Variants in MGAM observed in about 807,000 individuals in gnomAD.
MGAM encodes the protein alpha-1,4-glucosidase.
Under a neutral mutation model 358.8 loss-of-function variants are expected in MGAM, and 253 were observed. The ratio of observed to expected loss-of-function variants is 0.71; its 90% CI spans 0.64 to 0.78. The LOEUF (loss-of-function observed/expected upper bound fraction) is 0.78. MGAM is among the 30% of genes least tolerant of loss of function. MGAM has a pLI of 0.00. For missense variants in MGAM, 3,080 were observed against 3,432.6 expected (o/e 0.90, Z 2.57); for synonymous variants, 1,105 against 1,227.1 (o/e 0.90, Z 2.08).
intron 3 of MGAM, among the ~76,000 whole-genome samples, chr7:142,011,567 C>A (rs1554454372): frequency 1.3e-5 from 2 of 152,164 alleles, no homozygotes; most frequent in Admixed American, 1.3e-4. Context: ...TTGAGTTACT[C>A]AGTCCTGGCT....
In MGAM at chr7:142,040,113, A is replaced by G; in HGVS notation, c.2317-2A>G. ...GGGGACACTACATTTTTTTAATTTC[A>G]GGGTGCAGAGAAAGTGATGGCATAT... On this transcript the variant is annotated splice_acceptor_variant, in intron 19 of 70. Coordinates refer to ENST00000475668, the MANE Select transcript of MGAM (RefSeq NM_001365693.1). LOFTEE classifies it high-confidence loss of function. 3 of 1,609,350 alleles carry G rather than the reference A, an allele frequency of 1.9e-6. No homozygotes were observed. The South Asian group carries it at 3.3e-5, about 18-fold the overall frequency.
intron 29 of MGAM, 30 bp downstream of exon 29, chr7:142,056,126 G>T (rs1483424128): frequency 6.4e-7 from 1 of 1,564,434 alleles, no homozygotes; most frequent in Admixed American, 1.9e-5. Flanking sequence ...CCTTATTTTG[G>T]GGGGATACCA....
At chr7:142,105,211 A>G (rs1419710852) in intron 70 of MGAM, among the ~76,000 whole-genome samples, 1 of 152,148 alleles carries the variant, frequency 6.6e-6, no homozygotes, top group African/African-American at 2.4e-5. Context: ...TGCCAAGGAA[A>G]ATCAACACCT....
chr7:142,086,911 A>C (rs113785318), intron 57 of MGAM, among the ~76,000 whole-genome samples, 194 bp downstream of exon 57: 2,734 of 99,048 alleles, frequency 0.028, 897 homozygotes, highest in South Asian at 0.17. Context: ...TGGGATGTAG[A>C]CATGTATTAT....
intron 1 of MGAM, among the ~76,000 whole-genome samples, chr7:142,003,969 G>T (rs1410949901): frequency 6.6e-6 from 1 of 151,990 alleles, no homozygotes; most frequent in African/African-American, 2.4e-5. Context: ...TCAGAGAAAT[G>T]CAAATTAAAA....
chr7:142,068,836 C>T, intron 43 of MGAM, 133 bp downstream of exon 43: 1 of 760,142 alleles, frequency 1.3e-6, no homozygotes, highest in Non-Finnish European at 2.1e-6. Flanking sequence ...GCCACTTTAA[C>T]CCTTGTAATC....
intron 38 of MGAM, 24 bp downstream of exon 38, chr7:142,065,492 C>T (rs1182511780): frequency 1.9e-6 from 3 of 1,613,630 alleles, no homozygotes. Flanking sequence ...TCCCCAGGGC[C>T]TTTGCCGACA....
rs781792206 is a variant in MGAM at position 142,019,220 on chromosome 7, T to C, written c.349T>C (p.Cys117Arg). The C allele has an allele frequency of 6.2e-7, 1 of 1,613,462 alleles. No individual in the cohort carries two copies. Among genetic ancestry groups the C allele is most frequent in the African/African-American group, 1.3e-5 (1 of 74,924 alleles). ...PTKATCDQRGCCWNPQGAVSV... is the reference protein window; with the variant it reads ...PTKATCDQRGRCWNPQGAVSV... The stretch of plus-strand genomic sequence containing the variant: ...TCAGGCCACATGTGACCAACGTGGC[T>C]GTTGCTGGAATCCCCAGGGAGCTGT... Residue 117 changes from cysteine (C) to arginine (R), a missense_variant, in exon 4 of 71, where the codon TGT becomes CGT. This residue lies in a region of MGAM where 1,816 missense variants were observed against 1,840.5 expected (regional missense o/e 0.99). Coordinates refer to ENST00000475668, the MANE Select transcript of MGAM (RefSeq NM_001365693.1).
chr7:142,058,538 G>A lies in MGAM; in HGVS notation c.3819+210G>A, dbSNP rs545470677. On this transcript the variant is annotated intron_variant, in intron 31 of 70. Coordinates refer to ENST00000475668, the MANE Select transcript of MGAM (RefSeq NM_001365693.1). The stretch of plus-strand genomic sequence containing the variant: ...GACAGCTCAAGACCCAGCATGACTC[G>A]CCAGAGTGGGAGATAGGCTGGCTCC... Among the ~76,000 whole-genome samples the A allele has an allele frequency of 5.3e-5, 8 of 152,316 alleles. No individual in the cohort carries two copies. The East Asian group carries it at 7.7e-4, about 15-fold the overall frequency.
intron 57 of MGAM, 62 bp downstream of exon 57, chr7:142,086,779 G>A: frequency 1.2e-6 from 1 of 836,750 alleles, no homozygotes; most frequent in South Asian, 1.8e-5. Context: ...GCCGTTCCTG[G>A]GAATGTGGAC....
upstream of MGAM, among the ~76,000 whole-genome samples, chr7:141,991,188 T>C (rs370964052): frequency 3.3e-5 from 5 of 152,230 alleles, no homozygotes; most frequent in African/African-American, 9.6e-5. Context: ...AAATAATGCA[T>C]GGAAATCATT....
At chr7:142,090,320 C>A (rs4236465) in intron 57 of MGAM, among the ~76,000 whole-genome samples, 126,036 of 144,836 alleles carry the variant, frequency 0.87, 56,831 homozygotes, top group East Asian at 1. Flanking sequence ...TCTGACTCAG[C>A]TGTGGCTGAT....
chr7:141,996,092 C>T (rs71545349), intron 1 of MGAM, among the ~76,000 whole-genome samples, 162 bp downstream of exon 1: 15,723 of 151,870 alleles, frequency 0.1, 1,438 homozygotes, highest in African/African-American at 0.24. Flanking sequence ...GGGTGGATCA[C>T]GAGATCAGGA....
At chr7:142,075,444 C>A (rs1813659332) in intron 45 of MGAM, among the ~76,000 whole-genome samples, 1 of 146,356 alleles carries the variant, frequency 6.8e-6, no homozygotes, top group Admixed American at 6.9e-5. Context: ...GGCGTGACTA[C>A]ATCAAACTAA....
chr7:142,102,570 T>C, intron 68 of MGAM, 60 bp from the exon 69 acceptor site: 1 of 1,480,720 alleles, frequency 6.8e-7, no homozygotes, highest in Non-Finnish European at 9.3e-7. Context: ...TTATATATTC[T>C]ATAGCATAGA....
Position 142,038,616 on chromosome 7 carries a change from G to T in MGAM, c.2316+1G>T. 4 of 1,604,762 alleles carry T rather than the reference G, an allele frequency of 2.5e-6. No individual in the cohort carries two copies. The highest frequency in any genetic ancestry group is 3.4e-6 in the Non-Finnish European group (4 of 1,175,032). ...CCTCATCACTCCAGTTCTGGATGAA[G>T]TAAGTGTTCCCACAGAGATACACTA... On this transcript the variant is annotated splice_donor_variant, in intron 19 of 70. Coordinates refer to ENST00000475668, the MANE Select transcript of MGAM (RefSeq NM_001365693.1). LOFTEE classifies it high-confidence loss of function.
At chr7:141,988,407 C>G (rs543308724) in intron 2 of MGAM, among the ~76,000 whole-genome samples, 2 of 152,202 alleles carry the variant, frequency 1.3e-5, no homozygotes, top group Admixed American at 1.3e-4. Flanking sequence ...CTCTGTCACC[C>G]AGGCTGGAGT....
intron 34 of MGAM, among the ~76,000 whole-genome samples, chr7:142,060,693 T>G (rs972457460): frequency 1.3e-5 from 2 of 152,066 alleles, no homozygotes; most frequent in African/African-American, 4.8e-5. Flanking sequence ...AAATTCCCAC[T>G]GGGCGATACC....
chr7:142,102,593 A>G (rs369380401), intron 68 of MGAM, 37 bp from the exon 69 acceptor site: 1 of 1,595,276 alleles, frequency 6.3e-7, no homozygotes, highest in Non-Finnish European at 8.6e-7. Context: ...TCTACAGCAC[A>G]GGTCCAGGCC....
Sources: gnomAD v4.1 joint callset for allele counts (sites outside exome capture counted in the v4.1 genomes callset) on GRCh38, gnomAD v4.1.1 for gene constraint, gnomAD v4.1.1 regional missense constraint, MANE v1.5 for transcripts, NCBI Gene and HGNC (gene_info 2026-07-23, HGNC 2026-07-21) for gene names.